The following KAZN variants were observed in gnomAD, a reference collection of about 807,000 sequenced individuals.
KAZN encodes the protein kazrin.
In KAZN, 40 loss-of-function variants were observed where a neutral mutation model predicts 87.4. The observed-to-expected ratio is 0.46, with a 90% CI of 0.36 to 0.60. The LOEUF (loss-of-function observed/expected upper bound fraction) is 0.60. KAZN is among the 20% of genes least tolerant of loss of function. The pLI is 0.00. For synonymous variants in KAZN, 466 were observed against 458.3 expected (o/e 1.02, Z -0.22); for missense variants, 898 against 1,073.9 (o/e 0.84, Z 2.29).
chr1:14,805,825 A>G (rs10803319), intron 1 of KAZN, among the ~76,000 whole-genome samples: 50,223 of 151,144 alleles, frequency 0.33, 9,362 homozygotes, highest in African/African-American at 0.5. Context: ...CTGGCTAGAT[A>G]GGTGGGAGCT....
chr1:14,436,254 GCA>G (rs200497247), intron 2 of KAZN, among the ~76,000 whole-genome samples: 4 of 151,644 alleles, frequency 2.6e-5, no homozygotes, highest in African/African-American at 9.7e-5. Flanking sequence ...AAAATGGAAT[GCA>G]CACACACACA....
intron 4 of KAZN, among the ~76,000 whole-genome samples, chr1:15,053,091 G>A (rs1045301278): frequency 6.6e-6 from 1 of 152,234 alleles, no homozygotes; most frequent in African/African-American, 2.4e-5. Context: ...CCTGCATGAT[G>A]GCAGACCAGC....
At chr1:14,276,117 C>A (rs2100697427) in intron 2 of KAZN, among the ~76,000 whole-genome samples, 1 of 151,664 alleles carries the variant, frequency 6.6e-6, no homozygotes, top group South Asian at 2.1e-4. Flanking sequence ...CCTGCAGCAG[C>A]CTTTTGGGGC....
At chr1:14,274,122 C>T (rs983009782) in intron 2 of KAZN, among the ~76,000 whole-genome samples, 1 of 152,172 alleles carries the variant, frequency 6.6e-6, no homozygotes, top group Non-Finnish European at 1.5e-5. Flanking sequence ...CCTTTGAACA[C>T]TGAGAAAGGA....
intron 1 of KAZN, among the ~76,000 whole-genome samples, chr1:14,169,417 A>G (rs1187024561): frequency 1.3e-5 from 2 of 151,972 alleles, no homozygotes; most frequent in African/African-American, 2.4e-5. Context: ...TCCATGTTAT[A>G]TGTCCAGCCG....
At chr1:14,624,046 G>A (rs567420516) in intron 1 of KAZN, among the ~76,000 whole-genome samples, 6 of 152,096 alleles carry the variant, frequency 3.9e-5, no homozygotes, top group East Asian at 1.9e-4. Flanking sequence ...ATATTAATGA[G>A]GTCAAGTAGG....
intron 1 of KAZN, among the ~76,000 whole-genome samples, chr1:13,989,289 G>A (rs1373201136): frequency 1.3e-5 from 2 of 152,056 alleles, no homozygotes; most frequent in Admixed American, 6.6e-5. Context: ...TTGGGTATAT[G>A]GCAAGCAGAG....
At chr1:14,630,524 GTTAA>G (rs1231591618) in intron 1 of KAZN, among the ~76,000 whole-genome samples, 1 of 152,110 alleles carries the variant, frequency 6.6e-6, no homozygotes, top group African/African-American at 2.4e-5. Context: ...TCATCTCTAT[GTTAA>G]TTAATTTTAA....
chr1:15,010,540 G>A (rs1014488337), intron 2 of KAZN, among the ~76,000 whole-genome samples: 11 of 152,122 alleles, frequency 7.2e-5, no homozygotes, highest in African/African-American at 2.2e-4. Flanking sequence ...ACAGGCGCCC[G>A]CCACCATGCC....
intron 1 of KAZN, among the ~76,000 whole-genome samples, chr1:14,104,756 G>A (rs764955299): frequency 3.9e-5 from 6 of 152,162 alleles, no homozygotes; most frequent in Non-Finnish European, 8.8e-5. Context: ...CAGAGCAGGC[G>A]ATTGATTTCT....
At chr1:15,107,552 T>G (rs2100732165) in intron 13 of KAZN, among the ~76,000 whole-genome samples, 1 of 152,342 alleles carries the variant, frequency 6.6e-6, no homozygotes. Context: ...TTTCCTCATT[T>G]GTAAAATGAG....
intron 1 of KAZN, among the ~76,000 whole-genome samples, chr1:14,051,515 T>G (rs977877937): frequency 1.3e-5 from 2 of 152,220 alleles, no homozygotes; most frequent in Admixed American, 1.3e-4. Context: ...GGTATTGAAT[T>G]ATCTGTTTCT....
intron 2 of KAZN, among the ~76,000 whole-genome samples, chr1:14,193,040 C>G (rs111555873): frequency 6.6e-6 from 1 of 152,052 alleles, no homozygotes; most frequent in Non-Finnish European, 1.5e-5. Flanking sequence ...GGGCAGTTCC[C>G]CCATGCTGTT....
chr1:15,056,190 G>A lies in KAZN; in HGVS notation c.826G>A (p.Val276Met). 4.3e-6 allele frequency: 7 copies of A among 1,614,168 alleles called. No homozygotes were observed. Among genetic ancestry groups the A allele is most frequent in the Non-Finnish European group, 5.9e-6 (7 of 1,180,034 alleles). Residue 276 changes from valine (V) to methionine (M), a missense_variant, in exon 5 of 15, where the codon GTG (valine) becomes ATG (methionine). Coordinates refer to ENST00000376030, the MANE Select transcript of KAZN (RefSeq NM_201628.3). This position sits in a 1 kb window ranked among gnomAD's most constrained non-coding sequence, Gnocchi z 5.4. ...GCTCAATGGCAACCAGGAGTGGGTG[G>A]TGCAGGCGGACCTCCCGCTGACCGC... Reference protein sequence around the residue: ...TVLNGNQEWVVQADLPLTAAI... With the variant: ...TVLNGNQEWVMQADLPLTAAI...
At chr1:14,737,580 G>A (rs150887541) in intron 1 of KAZN, among the ~76,000 whole-genome samples, 364 of 152,308 alleles carry the variant, frequency 2.4e-3, no homozygotes, top group African/African-American at 8.4e-3. Flanking sequence ...GTATTACCTC[G>A]CAGCTTCTGG....
At chr1:14,436,278 C>G (rs1008040536) in intron 2 of KAZN, among the ~76,000 whole-genome samples, 1 of 151,854 alleles carries the variant, frequency 6.6e-6, no homozygotes, top group Non-Finnish European at 1.5e-5. Flanking sequence ...GATTAGATGA[C>G]CTACCCACAG....
chr1:13,933,437 AGCCGAGATCAC>A (rs1294280527), intron 1 of KAZN, among the ~76,000 whole-genome samples: 2 of 152,192 alleles, frequency 1.3e-5, no homozygotes, highest in Admixed American at 6.5e-5. Context: ...GGTTGTGGCG[AGCCGAGATCAC>A]GCCATTGCAC....
At chr1:14,775,504 C>A (rs1386258135) in intron 1 of KAZN, among the ~76,000 whole-genome samples, 1 of 152,232 alleles carries the variant, frequency 6.6e-6, no homozygotes, top group African/African-American at 2.4e-5. Flanking sequence ...TTGGCGTCCA[C>A]GCCTTGTGAT....
chr1:13,940,667 A>G (rs1640896070), intron 1 of KAZN, among the ~76,000 whole-genome samples: 1 of 152,214 alleles, frequency 6.6e-6, no homozygotes, highest in South Asian at 2.1e-4. Flanking sequence ...GTTAGACACA[A>G]CAGAAGAGAT....
Sources: gnomAD v4.1 joint callset for allele counts (sites outside exome capture counted in the v4.1 genomes callset) on GRCh38, gnomAD v4.1.1 for gene constraint, Gnocchi (gnomAD v3.1) non-coding constraint, MANE v1.5 for transcripts, NCBI Gene and HGNC (gene_info 2026-07-23, HGNC 2026-07-21) for gene names.